Variants in MMS19 observed in about 807,000 individuals in gnomAD.
MMS19 encodes MMS19 nucleotide excision repair protein homolog.
Under a neutral mutation model 129.8 loss-of-function variants are expected in MMS19, and 77 were observed. That is an observed-to-expected ratio of 0.59 (90% CI 0.49 to 0.72). The LOEUF is 0.72. Among genes scored for constraint, MMS19 ranks in the 30% least tolerant of loss-of-function variants. The pLI is 0.00. For synonymous variants in MMS19, 491 were observed against 502.8 expected (o/e 0.98, Z 0.31); for missense variants, 1,168 against 1,266.3 (o/e 0.92, Z 1.18).
At chr10:97,477,077 G>C in intron 6 of MMS19, 114 bp from the exon 7 acceptor site, 2 of 1,545,360 alleles carry the variant, frequency 1.3e-6, no homozygotes, top group Non-Finnish European at 1.7e-6. Context: ...CTTCAGGGCT[G>C]ACCCTTTTTC....
chr10:97,474,551 A>C (rs2135378470), intron 8 of MMS19, among the ~76,000 whole-genome samples: 2 of 139,054 alleles, frequency 1.4e-5, no homozygotes, highest in East Asian at 1.9e-4. Flanking sequence ...CTGTCTGAAA[A>C]ACAAAACAAA....
rs747831106 is a variant in MMS19 at position 97,470,803 on chromosome 10, A to G, written c.743T>C (p.Val248Ala). ...AGCAAATCGTGGTGTAGAAGCCAGC[A>G]CAGCGCGAAGACTCAGGATGAGGTC... The part of the protein sequence containing the change: ...REDLILSLRA[V>A]LASTPRFAEF... Residue 248 changes from valine to alanine, a missense_variant, in exon 9 of 31, where the codon GTG becomes GCG. Around this residue, in one of 3 missense-constraint regions of MMS19, gnomAD observed 329 missense variants for 328.6 expected, o/e 1.00. Transcript: ENST00000438925. 6.2e-7 allele frequency: 1 copy of G among 1,613,784 alleles called. No homozygotes were observed. Among genetic ancestry groups the G allele is most frequent in the Non-Finnish European group, 8.5e-7 (1 of 1,179,770 alleles).
chr10:97,462,721 T>C, intron 19 of MMS19, 39 bp from the exon 20 acceptor site: 1 of 1,495,732 alleles, frequency 6.7e-7, no homozygotes, highest in Non-Finnish European at 9.3e-7. Context: ...CACAAGACCA[T>C]GACGGGTTCA....
chr10:97,490,687 C>T (rs554541889), intron 1 of MMS19, among the ~76,000 whole-genome samples: 2 of 152,190 alleles, frequency 1.3e-5, no homozygotes, highest in South Asian at 4.1e-4. Context: ...AGTCTGTGGT[C>T]TCACAGCAAC....
At chr10:97,492,774 A>T (rs1027474299) in intron 1 of MMS19, among the ~76,000 whole-genome samples, 1 of 149,426 alleles carries the variant, frequency 6.7e-6, no homozygotes. Context: ...CAGAAGAGTC[A>T]TTTGAACCCA....
intron 19 of MMS19, chr10:97,463,117 A>G (rs2133329260): frequency 6.2e-6 from 1 of 160,568 alleles, no homozygotes; most frequent in Admixed American, 6.1e-5. Flanking sequence ...TGTGGCAGGT[A>G]CTATACACTA....
Position 97,498,356 on chromosome 10 carries a change from GC to G in MMS19, c.28del (p.Ala10ArgfsTer30), listed in dbSNP as rs1426043464. MAAAAAVEA[A>X]APMGALWGLV... The stretch of plus-strand genomic sequence containing the variant: ...GCCCCATAGGGCACCCATAGGCGCC[GC>G]CGCCTCCACAGCCGCGGCAGCGGCC... On this transcript the variant is annotated frameshift_variant, in exon 1 of 31. Coordinates refer to ENST00000438925, the MANE Select transcript of MMS19 (RefSeq NM_022362.5). LOFTEE classifies it high-confidence loss of function. 1 of 1,571,224 alleles carries G rather than the reference GC, an allele frequency of 6.4e-7. No homozygotes were observed. Among genetic ancestry groups the G allele is most frequent in the Non-Finnish European group, 8.6e-7 (1 of 1,166,332 alleles).
chr10:97,458,686 GAGGGCTCAGCTGCC>G lies in MMS19; in HGVS notation c.3085_*5del. Reference sequence around the variant, plus strand: ...TGTCAGAACAGTCTAGGCCAGGACTGAGGGCTCAGCTGCCAGGGCTCCCCAACAGAAACCTGTAG... The same window carrying G: ...TGTCAGAACAGTCTAGGCCAGGACTGAGGGCTCCCCAACAGAAACCTGTAG... On this transcript the variant is annotated stop_lost and 3_prime_UTR_variant, in exon 31 of 31. Transcript: ENST00000438925. The G allele has an allele frequency of 1.2e-6, 2 of 1,606,932 alleles. No homozygotes were observed. The highest frequency in any genetic ancestry group is 1.7e-6 in the Non-Finnish European group (2 of 1,176,466).
rs1257458131 is a variant in MMS19 at position 97,459,222 on chromosome 10, C to G, written c.2964+1G>C. ...CAGGGAAGGACACCTGAGGTACTTA[C>G]CACAGGGGTGGGCAGGCGAGTGAGA... On this transcript the variant is annotated splice_donor_variant, in intron 29 of 30. Coordinates refer to ENST00000438925, the MANE Select transcript of MMS19 (RefSeq NM_022362.5). LOFTEE classifies it high-confidence loss of function. 3 of 1,610,972 alleles carry G rather than the reference C, an allele frequency of 1.9e-6. No individual in the cohort carries two copies. The highest frequency in any genetic ancestry group is 2.5e-6 in the Non-Finnish European group (3 of 1,178,850).
At chr10:97,483,906 C>G (rs941834332) in intron 2 of MMS19, among the ~76,000 whole-genome samples, 197 bp downstream of exon 2, 17 of 152,226 alleles carry the variant, frequency 1.1e-4, no homozygotes, top group African/African-American at 4.1e-4. Flanking sequence ...ACTAAAGAAG[C>G]CTCAGCCAGA....
chr10:97,481,080 CA>C, intron 2 of MMS19, 38 bp from the exon 3 acceptor site: 1 of 1,226,068 alleles, frequency 8.2e-7, no homozygotes, highest in South Asian at 1.3e-5. Flanking sequence ...TGCAATTACC[CA>C]GTTCAAATGT....
In MMS19 at chr10:97,458,341, T is replaced by C. The variant is rs1391930231; in HGVS notation, c.*351A>G. On this transcript the variant is annotated 3_prime_UTR_variant, in exon 31 of 31. Transcript: ENST00000438925. The stretch of plus-strand genomic sequence containing the variant: ...CAGCCCCATTACCAAAAGAAATCTT[T>C]ATTCTTCAGCAGGTAGACAACATCT... 3 of 217,852 alleles carry C rather than the reference T, an allele frequency of 1.4e-5. No homozygotes were observed. The Admixed American group carries it at 1.7e-4, about 12-fold the overall frequency. The allele number at this position is 217,852 out of a possible 1,614,324, so 13.5% of individuals were successfully genotyped here.
At chr10:97,472,659 G>C (rs1456114811) in intron 8 of MMS19, among the ~76,000 whole-genome samples, 1 of 151,810 alleles carries the variant, frequency 6.6e-6, no homozygotes, top group African/African-American at 2.4e-5. Context: ...TTCCAGGCTG[G>C]AGTGCAGAGG....
At chr10:97,469,268 C>A (rs1185950095) in intron 11 of MMS19, 164 bp from the exon 12 acceptor site, 30 of 497,384 alleles carry the variant, frequency 6.0e-5, no homozygotes, top group Non-Finnish European at 7.0e-5. Flanking sequence ...TGTGTTCTTA[C>A]CAAGTCCTTA....
chr10:97,461,707 C>T (rs1019005857), intron 22 of MMS19, 85 bp from the exon 23 acceptor site: 102 of 1,549,490 alleles, frequency 6.6e-5, no homozygotes, highest in East Asian at 1.7e-4. Flanking sequence ...GGGACCGGGA[C>T]GGATGAGAAC....
intron 6 of MMS19, 38 bp from the exon 7 acceptor site, chr10:97,477,001 A>G (rs191617371): frequency 5.5e-5 from 89 of 1,611,798 alleles, no homozygotes; most frequent in Non-Finnish European, 7.4e-5. Context: ...ACTGTCCCAC[A>G]GCACAGAAAG....
chr10:97,468,829 T>C (rs1251817515), intron 12 of MMS19, 137 bp downstream of exon 12: 12 of 892,742 alleles, frequency 1.3e-5, no homozygotes, highest in Non-Finnish European at 2.0e-5. Context: ...GGCTGGTCTT[T>C]AACTCCTGAC....
intron 18 of MMS19, 104 bp downstream of exon 18, chr10:97,465,701 G>A: frequency 2.6e-6 from 3 of 1,163,174 alleles, no homozygotes; most frequent in Admixed American, 2.3e-5. Context: ...TTTTAAAAGA[G>A]TTGATTCTGT....
chr10:97,463,759 G>T, intron 19 of MMS19, 99 bp downstream of exon 19: 2 of 1,087,694 alleles, frequency 1.8e-6, no homozygotes, highest in Non-Finnish European at 2.6e-6. Context: ...ACCTCTGATG[G>T]TACAAAATAC....
Sources: gnomAD v4.1 joint callset for allele counts (sites outside exome capture counted in the v4.1 genomes callset) on GRCh38, gnomAD v4.1.1 for gene constraint, gnomAD v4.1.1 regional missense constraint, MANE v1.5 for transcripts, NCBI Gene and HGNC (gene_info 2026-07-23, HGNC 2026-07-21) for gene names.